The following CNNM1 variants were observed in gnomAD, a reference collection of about 807,000 sequenced individuals.
CNNM1 encodes cyclin and CBS domain divalent metal cation transport mediator 1.
Under a neutral mutation model 78.8 loss-of-function variants are expected in CNNM1, and 44 were observed. That is an observed-to-expected ratio of 0.56 (90% confidence interval 0.44 to 0.72). The LOEUF is 0.72. Among genes scored for constraint, CNNM1 ranks in the 30% least tolerant of loss-of-function variants. CNNM1 has a pLI of 0.00. For synonymous variants in CNNM1, 584 were observed against 581.5 expected (o/e 1.00, Z -0.06); for missense variants, 1,101 against 1,292.2 (o/e 0.85, Z 2.27).
intron 1 of CNNM1, among the ~76,000 whole-genome samples, chr10:99,332,578 C>A (rs2029968987): frequency 6.6e-6 from 1 of 152,024 alleles, no homozygotes; most frequent in African/African-American, 2.4e-5. Context: ...AGGGAAAATT[C>A]AATCTCACTA....
At chr10:99,376,190 C>G (rs566672901) in intron 6 of CNNM1, among the ~76,000 whole-genome samples, 1 of 152,258 alleles carries the variant, frequency 6.6e-6, no homozygotes, top group South Asian at 2.1e-4. Context: ...ATGTGCTGAG[C>G]CAGAGCCTGT....
chr10:99,377,896 C>T (rs2032024688), intron 7 of CNNM1, among the ~76,000 whole-genome samples: 1 of 151,624 alleles, frequency 6.6e-6, no homozygotes, highest in Non-Finnish European at 1.5e-5. Context: ...TCATACCCCT[C>T]ACTGGGATTG....
intron 1 of CNNM1, among the ~76,000 whole-genome samples, chr10:99,336,716 G>A (rs1010966436): frequency 7.2e-5 from 11 of 152,120 alleles, no homozygotes; most frequent in Non-Finnish European, 1.5e-4. Context: ...CCTGTAATCC[G>A]AGCACTTTGG....
chr10:99,350,314 C>T (rs1182002115), intron 1 of CNNM1, among the ~76,000 whole-genome samples: 1 of 152,160 alleles, frequency 6.6e-6, no homozygotes, highest in Non-Finnish European at 1.5e-5. Context: ...ACCATAAAAC[C>T]ATAAAACGAT....
Position 99,388,228 on chromosome 10 carries a change from A to AGAAATGACTGACTTCGAG in CNNM1, c.2604_2621dup (p.Met869_Glu874dup), listed in dbSNP as rs778925415. 1 of 1,614,008 alleles carries AGAAATGACTGACTTCGAG rather than the reference A, an allele frequency of 6.2e-7. No homozygotes were observed. Among genetic ancestry groups the AGAAATGACTGACTTCGAG allele is most frequent in the South Asian group, 1.1e-5 (1 of 91,090 alleles). ...TGGAGGAGCTGGCCTTCACCCAGGA[A>AGAAATGACTGACTTCGAG]GAAATGACTGACTTCGAGGAGCACA... On this transcript the variant is annotated inframe_insertion, in exon 9 of 11. Transcript: ENST00000356713.
At chr10:99,333,232 T>C (rs2029999326) in intron 1 of CNNM1, among the ~76,000 whole-genome samples, 1 of 152,228 alleles carries the variant, frequency 6.6e-6, no homozygotes, top group South Asian at 2.1e-4. Flanking sequence ...CAGTCACCTC[T>C]TAAAACTGAT....
rs369793453 is a variant in CNNM1 at position 99,360,908 on chromosome 10, G to C, written c.1791G>C (p.Ser597=). 15 of 1,612,938 alleles carry C rather than the reference G, an allele frequency of 9.3e-6. No homozygotes were observed. Among genetic ancestry groups the C allele is most frequent in the African/African-American group, 1.3e-5 (1 of 74,890 alleles). ...KRHDFSLFKL[S]DTEMRVKISP... is the part of the protein sequence containing the mutation. ...ATGACTTCTCCTTGTTTAAGCTTTC[G>C]GACACGGAGATGCGGGTGAAGATCT... The change falls in exon 3 of 11, where the codon TCG becomes TCC. Residue 597 remains serine (S), a synonymous_variant. Coordinates refer to ENST00000356713, the MANE Select transcript of CNNM1 (RefSeq NM_020348.3).
At position 99,385,325 on chromosome 10, in the gene CNNM1, T is replaced by C. The variant is rs577189945; in HGVS notation, c.2341-2495T>C. Among the ~76,000 whole-genome samples, 43 of 152,306 alleles carry C rather than the reference T, an allele frequency of 2.8e-4. 1 individual carries two copies. In the South Asian group the frequency reaches 6.6e-3, roughly 23 times the overall value. ...CACTGTCCCTTTCCTTCTGTCCCGCTTCTCCACTGTCCATAGTCGGAATTG... is the reference window on the plus strand; with the variant it reads ...CACTGTCCCTTTCCTTCTGTCCCGCCTCTCCACTGTCCATAGTCGGAATTG... On this transcript the variant is annotated intron_variant, in intron 7 of 10. Transcript: ENST00000356713.
Position 99,364,974 on chromosome 10 carries a change from TG to T in CNNM1, c.2150del (p.Gly717GlufsTer10). 2 of 1,613,978 alleles carry T rather than the reference TG, an allele frequency of 1.2e-6. No homozygotes were observed. The highest frequency in any genetic ancestry group is 2.2e-5 in the South Asian group (2 of 91,074). On this transcript the variant is annotated frameshift_variant, in exon 6 of 11. Transcript: ENST00000356713. LOFTEE classifies it high-confidence loss of function. ...CCTTAGATAATGACGTGCGGAAGGT[TG>T]GAAGTCTGGCTGGATCTTCTGTCTT... is the stretch of plus-strand genomic sequence containing the variant. ...ACSDNDVRKV[G>X]SLAGSSVFLN...
chr10:99,384,171 A>G (rs189769787), intron 7 of CNNM1, among the ~76,000 whole-genome samples: 15 of 152,332 alleles, frequency 9.8e-5, no homozygotes, highest in African/African-American at 3.4e-4. Context: ...CTAGATTAAA[A>G]TAAGTTGTCA....
intron 1 of CNNM1, among the ~76,000 whole-genome samples, 198 bp downstream of exon 1, chr10:99,331,158 G>A (rs1288185151): frequency 2.0e-5 from 3 of 152,072 alleles, no homozygotes; most frequent in Non-Finnish European, 4.4e-5. Flanking sequence ...TGAGCCCCAG[G>A]CCTCTTTCCT....
intron 7 of CNNM1, 139 bp from the exon 8 acceptor site, chr10:99,387,681 C>A: frequency 1.3e-6 from 1 of 775,670 alleles, no homozygotes; most frequent in Non-Finnish European, 2.0e-6. Context: ...GTGGGTAAGG[C>A]CCCCATTCGT....
chr10:99,357,680 TC>T, intron 2 of CNNM1, 25 bp downstream of exon 2: 1 of 1,552,054 alleles, frequency 6.4e-7, no homozygotes, highest in South Asian at 1.3e-5. Context: ...TTGGCTGTTC[TC>T]CAGGGTCATC....
chr10:99,352,897 G>A (rs1034294756), intron 1 of CNNM1, among the ~76,000 whole-genome samples: 5 of 150,288 alleles, frequency 3.3e-5, no homozygotes, highest in Admixed American at 3.3e-4. Context: ...TGTGTTTTGG[G>A]TGTCCTAAGA....
intron 6 of CNNM1, among the ~76,000 whole-genome samples, chr10:99,374,044 G>C (rs1303646636): frequency 6.6e-6 from 1 of 152,166 alleles, no homozygotes; most frequent in Non-Finnish European, 1.5e-5. Context: ...ACACGTACAG[G>C]TATCTTTTTT....
intron 7 of CNNM1, among the ~76,000 whole-genome samples, chr10:99,385,710 A>C (rs1020787163): frequency 6.6e-6 from 1 of 152,234 alleles, no homozygotes; most frequent in East Asian, 1.9e-4. Flanking sequence ...TGGCCAGTGT[A>C]TTCATTTGCC....
In CNNM1 at chr10:99,391,344, T is replaced by C. The variant is rs955672416; in HGVS notation, c.2777-93T>C. The C allele has an allele frequency of 4.3e-6, 4 of 934,726 alleles. No individual in the cohort carries two copies. In the African/African-American group the frequency reaches 6.6e-5, roughly 15 times the overall value. 57.9% of individuals were successfully genotyped at this position (934,726 alleles called of 1,614,324 possible). A position where few individuals can be genotyped will look rare whatever the true frequency, so the allele number is the denominator to read the frequency against. ...AGCTGTCAAGGGCTTTGTCTCCATT[T>C]CTGCTTCTGTTTTGAAAAGAACTCA... On this transcript the variant is annotated intron_variant, in intron 10 of 10. Transcript: ENST00000356713.
chr10:99,380,756 A>G (rs1589919895), intron 7 of CNNM1, among the ~76,000 whole-genome samples: 1 of 151,214 alleles, frequency 6.6e-6, no homozygotes, highest in Non-Finnish European at 1.5e-5. Flanking sequence ...GTGCCACTGC[A>G]CTCCAGCCTG....
chr10:99,337,431 C>G (rs939395472), intron 1 of CNNM1, among the ~76,000 whole-genome samples: 2 of 152,232 alleles, frequency 1.3e-5, no homozygotes, highest in Non-Finnish European at 2.9e-5. Flanking sequence ...ATGCTGAACT[C>G]TGTGGTGCAC....
Sources: gnomAD v4.1 joint callset for allele counts (sites outside exome capture counted in the v4.1 genomes callset) on GRCh38, gnomAD v4.1.1 for gene constraint, MANE v1.5 for transcripts, NCBI Gene and HGNC (gene_info 2026-07-23, HGNC 2026-07-21) for gene names.